CBLC: variants seen among roughly 807,000 people sequenced by gnomAD.
CBLC encodes the protein Cbl proto-oncogene C.
In CBLC, 46 loss-of-function variants were observed where a neutral mutation model predicts 58.6. The observed-to-expected ratio is 0.79, with a 90% CI of 0.62 to 1.00. The LOEUF (loss-of-function observed/expected upper bound fraction) is 1.00, where lower values mean the gene tolerates loss of function less well. Among genes scored for constraint, CBLC ranks in the 50% least tolerant of loss-of-function variants. The pLI is 0.00. For synonymous variants in CBLC, 271 were observed against 264.2 expected, an observed-to-expected ratio of 1.03 and a Z score of -0.25; for missense variants, 655 against 625.8, an observed-to-expected ratio of 1.05 and a Z score of -0.50.
chr19:44,783,073 A>G (rs531935009), intron 4 of CBLC, among the ~76,000 whole-genome samples: 19 of 152,328 alleles, frequency 1.2e-4, no homozygotes, highest in East Asian at 9.6e-4. Flanking sequence ...ATAAATTCCT[A>G]TAATTGAAAA....
chr19:44,787,763 G>A (rs1359771348), intron 5 of CBLC, among the ~76,000 whole-genome samples: 7 of 150,238 alleles, frequency 4.7e-5, no homozygotes, highest in African/African-American at 1.7e-4. Flanking sequence ...GTTGCAGTGA[G>A]CCGAGATCAC....
chr19:44,787,220 T>C (rs2927447), intron 5 of CBLC, among the ~76,000 whole-genome samples: 40,153 of 151,486 alleles, frequency 0.27, 8,847 homozygotes, highest in African/African-American at 0.6. Context: ...GGTGAAACCC[T>C]GTCTCTACTG....
intron 9 of CBLC, among the ~76,000 whole-genome samples, chr19:44,799,729 GGAGA>G (rs747264154): frequency 3.3e-5 from 5 of 150,184 alleles, no homozygotes; most frequent in Non-Finnish European, 7.4e-5. Flanking sequence ...AAAGAAGGAG[GGAGA>G]GAGAAAGGAA....
intron 7 of CBLC, 48 bp downstream of exon 7, chr19:44,792,562 A>G: frequency 6.0e-6 from 9 of 1,501,852 alleles, no homozygotes; most frequent in Non-Finnish European, 8.0e-6. Context: ...CCCCCTCTCT[A>G]CAGGGAAAGC....
At chr19:44,783,509 C>CA (rs111548258) in intron 4 of CBLC, among the ~76,000 whole-genome samples, 5,272 of 124,298 alleles carry the variant, frequency 0.042, 271 homozygotes, top group African/African-American at 0.13. Context: ...AACTCCATCT[C>CA]AAAAAAAAAA....
chr19:44,800,514 G>A (rs1599878106), intron 10 of CBLC, 37 bp from the exon 11 acceptor site: 1 of 1,076,046 alleles, frequency 9.3e-7, no homozygotes, highest in Non-Finnish European at 1.4e-6. Flanking sequence ...CCACCTGGAG[G>A]TGACCTCATC....
intron 1 of CBLC, among the ~76,000 whole-genome samples, chr19:44,780,153 T>A (rs1379791582): frequency 6.6e-6 from 1 of 151,460 alleles, no homozygotes; most frequent in East Asian, 1.9e-4. Flanking sequence ...TTTTTTTTTT[T>A]AGACATGGTC....
intron 1 of CBLC, among the ~76,000 whole-genome samples, chr19:44,779,971 A>T (rs1249722190): frequency 6.6e-6 from 1 of 152,084 alleles, no homozygotes; most frequent in African/African-American, 2.4e-5. Context: ...AATTTTTTTC[A>T]TAAATATTAT....
rs572533436 is a variant in CBLC, at chr19:44,800,431, T to A, written c.1413T>A (p.Pro471=). Residue 471 remains proline (P), a synonymous_variant, in exon 10 of 11, where the codon CCT becomes CCA. Transcript: ENST00000647358. ...SPPAALGPQD[P]APA is the part of the protein sequence containing the mutation. Reference sequence around the variant, plus strand: ...CAGCTGCGCTGGGACCCCAGGACCCTGCCCCGGCCTGAAGGCCAGGTGAGT... The same window carrying A: ...CAGCTGCGCTGGGACCCCAGGACCCAGCCCCGGCCTGAAGGCCAGGTGAGT... 104 of 1,612,480 alleles carry A rather than the reference T, an allele frequency of 6.4e-5. 3 individuals carry two copies. In the South Asian group the frequency reaches 1.1e-3, roughly 17 times the overall value.
rs1968075858 is a variant in CBLC at position 44,792,393 on chromosome 19, A to G, written c.1016A>G (p.Gln339Arg). ...CCTCTCACCTGCCAGGAGCAGCTGC[A>G]GCTCTACTGGGCCATGGACTCCACA... is the stretch of plus-strand genomic sequence containing the variant. ...QRIHVSEEQL[Q>R]LYWAMDSTFE... The change falls in exon 7 of 11, where the codon CAG becomes CGG. Residue 339 changes from glutamine (Q) to arginine (R), a missense_variant. Coordinates refer to ENST00000647358, the MANE Select transcript of CBLC (RefSeq NM_012116.4). The G allele has an allele frequency of 3.7e-6, 6 of 1,613,554 alleles. No homozygotes were observed. The highest frequency in any genetic ancestry group is 5.1e-6 in the Non-Finnish European group (6 of 1,179,918).
chr19:44,780,476 T>TTTC lies in CBLC; in HGVS notation c.354-427_354-426insCTT, dbSNP rs1185329496. On this transcript the variant is annotated intron_variant, in intron 1 of 10. Coordinates refer to ENST00000647358, the MANE Select transcript of CBLC (RefSeq NM_012116.4). ...CCATGTATATCGTTTTTAATTTTTTTTTTTTTTTTTTTTTGAGATGGAGTC... is the reference window on the plus strand; with the variant it reads ...CCATGTATATCGTTTTTAATTTTTTTTTCTTTTTTTTTTTTTTGAGATGGAGTC... Among the ~76,000 whole-genome samples, 244 of 146,750 alleles carry TTTC rather than the reference T, an allele frequency of 1.7e-3. 2 individuals are homozygous for TTTC. The highest frequency in any genetic ancestry group is 5.7e-3 in the African/African-American group (226 of 39,906).
chr19:44,785,531 GGTAGATAGA>G (rs1967877240), intron 5 of CBLC, among the ~76,000 whole-genome samples: 1 of 106,344 alleles, frequency 9.4e-6, no homozygotes, highest in African/African-American at 3.7e-5. Flanking sequence ...TAGTCAGATA[GGTAGATAGA>G]TAGATAGATA....
chr19:44,797,506 C>T (rs1968201946), intron 9 of CBLC, among the ~76,000 whole-genome samples: 1 of 151,714 alleles, frequency 6.6e-6, no homozygotes, highest in Admixed American at 6.6e-5. Flanking sequence ...CTGCCTCGGC[C>T]TTCTTAAGTG....
chr19:44,795,125 T>C (rs2122504384), intron 9 of CBLC, among the ~76,000 whole-genome samples: 1 of 152,098 alleles, frequency 6.6e-6, no homozygotes, highest in Non-Finnish European at 1.5e-5. Context: ...GCCCGACTAA[T>C]TTTTGGATTT....
At chr19:44,793,250 T>C (rs1203513583) in intron 7 of CBLC, among the ~76,000 whole-genome samples, 1 of 152,172 alleles carries the variant, frequency 6.6e-6, no homozygotes, top group Non-Finnish European at 1.5e-5. Flanking sequence ...CCCTGGCCTG[T>C]GTGCCCCCTC....
At chr19:44,787,293 C>G (rs1967934352) in intron 5 of CBLC, among the ~76,000 whole-genome samples, 1 of 151,888 alleles carries the variant, frequency 6.6e-6, no homozygotes, top group Non-Finnish European at 1.5e-5. Context: ...ACTCAGGAGG[C>G]TGAGGCAGGA....
intron 9 of CBLC, among the ~76,000 whole-genome samples, chr19:44,799,795 AAAG>A (rs781047256): frequency 4.6e-4 from 68 of 148,862 alleles, no homozygotes; most frequent in South Asian, 3.2e-3. Context: ...GAGAAAAAAG[AAAG>A]AAGGAAGGAA....
intron 7 of CBLC, 147 bp downstream of exon 7, chr19:44,792,661 G>A (rs181143065): frequency 1.4e-4 from 102 of 745,952 alleles, no homozygotes; most frequent in Non-Finnish European, 1.9e-4. Context: ...TCAGGAGCCC[G>A]GCTGTCTTTC....
intron 5 of CBLC, among the ~76,000 whole-genome samples, chr19:44,789,074 G>C (rs1967981141): frequency 6.6e-6 from 1 of 152,186 alleles, no homozygotes; most frequent in South Asian, 2.1e-4. Flanking sequence ...AGGCATGCCA[G>C]ATAGGCCGAG....
Sources: allele counts gnomAD v4.1 joint callset (sites outside exome capture counted in the v4.1 genomes callset), GRCh38; gene constraint gnomAD v4.1.1; transcripts MANE v1.5; gene names NCBI Gene and HGNC (gene_info 2026-07-23, HGNC 2026-07-21).